Variants in SERGEF observed in about 807,000 individuals in gnomAD.
The protein encoded by SERGEF is secretion regulating guanine nucleotide exchange factor.
In SERGEF, 51 loss-of-function variants were observed where a neutral mutation model predicts 50.0. The ratio of observed to expected loss-of-function variants is 1.02; its 90% CI spans 0.81 to 1.29. SERGEF has a LOEUF of 1.29. Among genes scored for constraint, SERGEF ranks in the 50% most tolerant of loss-of-function variants. SERGEF has a pLI of 0.00. For synonymous variants in SERGEF, 205 were observed against 212.4 expected, an observed-to-expected ratio of 0.97 and a Z score of 0.30; for missense variants, 521 against 557.0, an observed-to-expected ratio of 0.94 and a Z score of 0.65.
intron 10 of SERGEF, among the ~76,000 whole-genome samples, chr11:17,814,485 CCT>C (rs1283361120): frequency 6.6e-6 from 1 of 152,184 alleles, no homozygotes; most frequent in African/African-American, 2.4e-5. Flanking sequence ...TATCTTTCTC[CCT>C]CTCTTTCTCT....
intron 9 of SERGEF, chr11:17,918,713 A>G (rs1252765388): frequency 1.1e-5 from 5 of 455,068 alleles, no homozygotes; most frequent in Admixed American, 9.4e-5. Context: ...AGTTCAGAGA[A>G]TGAAGTGATC....
chr11:17,986,870 T>C (rs745398998), intron 8 of SERGEF, among the ~76,000 whole-genome samples: 1 of 152,246 alleles, frequency 6.6e-6, no homozygotes, highest in Non-Finnish European at 1.5e-5. Flanking sequence ...TACTGGAATG[T>C]AGTAAAATTT....
rs137893378 is a variant in SERGEF at position 17,986,161 on chromosome 11, T to C, written c.844+2436A>G. 3.3e-3 allele frequency among the ~76,000 whole-genome samples: 498 copies of C among 152,318 alleles called. 3 individuals are homozygous for C. The highest frequency in any genetic ancestry group is 4.8e-3 in the Non-Finnish European group (324 of 68,036). On this transcript the variant is annotated intron_variant, in intron 8 of 10. Transcript: ENST00000265965. ...CACTAATGAGCTGCTCCTGACCCTG[T>C]GAGGAAATCTTATTCCCATTAATGT...
chr11:17,811,065 G>A (rs1320233678), intron 10 of SERGEF, among the ~76,000 whole-genome samples: 1 of 152,180 alleles, frequency 6.6e-6, no homozygotes. Context: ...TAATGGTGGT[G>A]GAAGCAGCTG....
chr11:18,004,579 T>C (rs768939923), intron 3 of SERGEF, 44 bp from the exon 4 acceptor site: 1 of 1,386,566 alleles, frequency 7.2e-7, no homozygotes, highest in East Asian at 2.4e-5. Flanking sequence ...TGAAGTAAGA[T>C]GTCTGTGACC....
chr11:17,965,764 C>T (rs550008246), intron 8 of SERGEF, among the ~76,000 whole-genome samples: 22 of 152,266 alleles, frequency 1.4e-4, no homozygotes, highest in African/African-American at 4.8e-4. Context: ...ATAAATGAAT[C>T]CAACCACCTC....
chr11:17,949,258 A>T (rs2097816), intron 9 of SERGEF, among the ~76,000 whole-genome samples: 51,393 of 151,994 alleles, frequency 0.34, 9,683 homozygotes, highest in East Asian at 0.49. Context: ...GACGGCAGTC[A>T]TCTTTGGGGA....
At chr11:17,806,449 A>G (rs1167371990) in intron 10 of SERGEF, among the ~76,000 whole-genome samples, 3 of 152,180 alleles carry the variant, frequency 2.0e-5, no homozygotes, top group African/African-American at 4.8e-5. Flanking sequence ...AATGTTCTGG[A>G]TCACTATTTT....
chr11:17,865,928 C>G lies in SERGEF; in HGVS notation c.1048+12280G>C, dbSNP rs187606227. ...TTCATATTCACTCATCACTCACTCACTGACTCACCCAGAACAACTTCCAGT... is the reference window on the plus strand; with the variant it reads ...TTCATATTCACTCATCACTCACTCAGTGACTCACCCAGAACAACTTCCAGT... On this transcript the variant is annotated intron_variant, in intron 10 of 10. Transcript: ENST00000265965. Among the ~76,000 whole-genome samples, 20 of 152,320 alleles carry G rather than the reference C, an allele frequency of 1.3e-4. No individual in the cohort carries two copies. In the East Asian group the frequency reaches 3.1e-3, roughly 23 times the overall value.
intron 5 of SERGEF, among the ~76,000 whole-genome samples, chr11:17,999,993 C>A (rs1470899704): frequency 6.6e-6 from 1 of 152,218 alleles, no homozygotes; most frequent in East Asian, 1.9e-4. Context: ...TAGAAAACTT[C>A]ATTTCCTTCC....
chr11:18,001,502 A>G (rs149635263), intron 4 of SERGEF, among the ~76,000 whole-genome samples: 1 of 152,324 alleles, frequency 6.6e-6, no homozygotes, highest in East Asian at 1.9e-4. Flanking sequence ...ACATGAAACC[A>G]TTAGGGCTTT....
intron 10 of SERGEF, among the ~76,000 whole-genome samples, chr11:17,798,901 A>G (rs1277421933): frequency 1.3e-5 from 2 of 152,180 alleles, no homozygotes; most frequent in African/African-American, 4.8e-5. Flanking sequence ...AGAAGCAAGC[A>G]CACCCTGTGA....
At chr11:18,012,774 T>TGGC in intron 1 of SERGEF, 177 bp downstream of exon 1, 1 of 1,285,096 alleles carries the variant, frequency 7.8e-7, no homozygotes, top group Non-Finnish European at 1.1e-6. Flanking sequence ...GACCCTTCCT[T>TGGC]CCCCGCCCGC....
At position 17,933,042 on chromosome 11, in the gene SERGEF, T is replaced by A. The variant is rs904787016; in HGVS notation, c.1011+26428A>T. On this transcript the variant is annotated intron_variant, in intron 9 of 10. Coordinates refer to ENST00000265965, the MANE Select transcript of SERGEF (RefSeq NM_012139.4). ...CCTGGAATGAAACTCAATGTCAAGT[T>A]AGGTCTAATGTTATCATCCAAATGC... 2.4e-4 allele frequency among the ~76,000 whole-genome samples: 36 copies of A among 152,170 alleles called. 1 individual carries two copies. The highest frequency in any genetic ancestry group is 1.6e-3 in the Admixed American group (25 of 15,274).
chr11:17,832,453 G>A (rs1175939010), intron 10 of SERGEF, among the ~76,000 whole-genome samples: 1 of 152,198 alleles, frequency 6.6e-6, no homozygotes, highest in Admixed American at 6.5e-5. Flanking sequence ...TCAGTTTCAG[G>A]TATGTGTTTA....
chr11:18,000,906 G>C, intron 4 of SERGEF: 1 of 460,630 alleles, frequency 2.2e-6, no homozygotes, highest in Non-Finnish European at 4.2e-6. Context: ...CTGTGCCATT[G>C]TAACATAAAA....
At chr11:17,980,010 C>T (rs1853461757) in intron 8 of SERGEF, among the ~76,000 whole-genome samples, 1 of 152,166 alleles carries the variant, frequency 6.6e-6, no homozygotes, top group Non-Finnish European at 1.5e-5. Flanking sequence ...TCAACTTCTA[C>T]TCCAATTCAC....
chr11:17,969,759 A>G (rs538784974), intron 8 of SERGEF, among the ~76,000 whole-genome samples: 37 of 152,330 alleles, frequency 2.4e-4, no homozygotes, highest in South Asian at 6.2e-4. Flanking sequence ...GGTGAGTACC[A>G]TATCTATGTG....
At chr11:17,866,536 G>A (rs979153886) in intron 10 of SERGEF, among the ~76,000 whole-genome samples, 2 of 152,102 alleles carry the variant, frequency 1.3e-5, no homozygotes, top group South Asian at 2.1e-4. Flanking sequence ...AGGGAGTCTT[G>A]CTCTGTCACC....
Sources: allele counts gnomAD v4.1 joint callset (sites outside exome capture counted in the v4.1 genomes callset), GRCh38; gene constraint gnomAD v4.1.1; transcripts MANE v1.5; gene names NCBI Gene and HGNC (gene_info 2026-07-23, HGNC 2026-07-21).